Variants in SNAPC3 observed in about 807,000 individuals in gnomAD.
SNAPC3 encodes snRNA-activating protein complex subunit 3.
A neutral mutation model predicts 47.7 loss-of-function variants in SNAPC3; 56 were observed. That is an observed-to-expected ratio of 1.18 (90% CI 0.95 to 1.47). The LOEUF is 1.47. Ranked by LOEUF, SNAPC3 falls within the 40% of genes most tolerant of loss-of-function variation. The pLI, the probability that SNAPC3 is intolerant of heterozygous loss-of-function variation, is 0.00. For synonymous variants in SNAPC3, 235 were observed against 189.9 expected, an observed-to-expected ratio of 1.24 and a Z score of -1.95; for missense variants, 665 against 511.3, an observed-to-expected ratio of 1.30 and a Z score of -2.90.
At chr9:15,439,808 A>AGG (rs2033164278) in intron 3 of SNAPC3, among the ~76,000 whole-genome samples, 4 of 152,250 alleles carry the variant, frequency 2.6e-5, no homozygotes, top group Non-Finnish European at 5.9e-5. Context: ...TGCTGAGATT[A>AGG]CAGGTGTGAG....
At position 15,459,221 on chromosome 9, in the gene SNAPC3, T is replaced by G. The variant is rs549973345; in HGVS notation, c.1089-498T>G. ...TTGAATAATGTTGCCCATATTGCTA[T>G]TTGTATATACTTTATAACATAATCT... is the stretch of plus-strand genomic sequence containing the variant. On this transcript the variant is annotated intron_variant, in intron 8 of 8. Coordinates refer to ENST00000380821, the MANE Select transcript of SNAPC3 (RefSeq NM_001039697.2). 2.0e-5 allele frequency among the ~76,000 whole-genome samples: 3 copies of G among 152,358 alleles called. No individual in the cohort carries two copies. In the South Asian group the frequency reaches 6.2e-4, roughly 32 times the overall value.
At chr9:15,464,455 T>C (rs1030253460), downstream of SNAPC3, 1 of 200,692 alleles carries the variant, frequency 5.0e-6, no homozygotes. Flanking sequence ...TTTGTAACAT[T>C]GATTTTACCC....
chr9:15,430,437 C>A (rs1181264570), intron 2 of SNAPC3, among the ~76,000 whole-genome samples: 1 of 151,518 alleles, frequency 6.6e-6, no homozygotes, highest in Non-Finnish European at 1.5e-5. Flanking sequence ...GTCAAAAAAA[C>A]AAAAAGAAAA....
chr9:15,459,882 C>T lies in SNAPC3; in HGVS notation c.*16C>T. 6.3e-7 allele frequency: 1 copy of T among 1,594,942 alleles called. No homozygotes were observed. The highest frequency in any genetic ancestry group is 8.5e-7 in the Non-Finnish European group (1 of 1,171,876). On this transcript the variant is annotated 3_prime_UTR_variant, in exon 9 of 9. Coordinates refer to ENST00000380821, the MANE Select transcript of SNAPC3 (RefSeq NM_001039697.2). ...CTTTAATTAAGAATAGCTACACTCA[C>T]AAAAATACCCCCTCATGAAATAACT...
rs1435635084 is a variant in SNAPC3, at chr9:15,448,890, A to G, written c.732+1646A>G. 7.2e-5 allele frequency among the ~76,000 whole-genome samples: 11 copies of G among 152,118 alleles called. No homozygotes were observed. The South Asian group carries it at 1.9e-3, about 26-fold the overall frequency. On this transcript the variant is annotated intron_variant, in intron 5 of 8. Coordinates refer to ENST00000380821, the MANE Select transcript of SNAPC3 (RefSeq NM_001039697.2). ...GATGATGCAATCTCGGCTCACTGCA[A>G]CTTTCACCTCCCAGTTTCAAGTGAT...
intron 2 of SNAPC3, among the ~76,000 whole-genome samples, chr9:15,427,514 A>C (rs2031571100): frequency 6.6e-6 from 1 of 152,070 alleles, no homozygotes; most frequent in African/African-American, 2.4e-5. Flanking sequence ...ATGCCTGGCT[A>C]ATTTTTTATA....
chr9:15,441,187 C>CTT lies in SNAPC3; in HGVS notation c.478-3406_478-3405dup, dbSNP rs35713286. Among the ~76,000 whole-genome samples the CTT allele has an allele frequency of 2.0e-3, 292 of 146,400 alleles. 5 individuals carry two copies. Among genetic ancestry groups the CTT allele is most frequent in the Admixed American group, 0.015 (227 of 14,698 alleles). Reference sequence around the variant, plus strand: ...ACATTTAAGTCAGTTGCTGTAACGTCTTTTTTTTTTATTTAACGTTATTAT... The same window carrying CTT: ...ACATTTAAGTCAGTTGCTGTAACGTCTTTTTTTTTTTTATTTAACGTTATTAT... On this transcript the variant is annotated intron_variant, in intron 3 of 8. Coordinates refer to ENST00000380821, the MANE Select transcript of SNAPC3 (RefSeq NM_001039697.2).
chr9:15,423,192 G>C lies in SNAPC3; in HGVS notation c.313G>C (p.Gly105Arg), dbSNP rs1390344440. 2 of 1,576,218 alleles carry C rather than the reference G, an allele frequency of 1.3e-6. No homozygotes were observed. The highest frequency in any genetic ancestry group is 8.5e-7 in the Non-Finnish European group (1 of 1,170,216). The change falls in exon 1 of 9, where the codon GGC becomes CGC. Residue 105 changes from glycine (G) to arginine (R), a missense_variant and splice_region_variant. Physicochemically the swap from Gly to Arg is moderately radical, Grantham distance 125. Transcript: ENST00000380821. ...GGCGGCTGAGCTGAGGGCGGTGTGC[G>C]GGTGAGTGCGGAGCAAAGGGGCTCT... ...EAAAELRAVC[G>R]LDKLKCLEDG...
chr9:15,436,565 TC>T (rs2032820418), intron 3 of SNAPC3, among the ~76,000 whole-genome samples: 2 of 152,206 alleles, frequency 1.3e-5, no homozygotes, highest in Admixed American at 1.3e-4. Context: ...AATTTTGAAA[TC>T]AGGGAGTGTG....
chr9:15,442,414 C>T (rs562737026), intron 3 of SNAPC3, among the ~76,000 whole-genome samples: 45 of 151,224 alleles, frequency 3.0e-4, no homozygotes, highest in African/African-American at 7.3e-4. Context: ...ACCTCCCAGA[C>T]GGGGCGGCTG....
intron 3 of SNAPC3, among the ~76,000 whole-genome samples, chr9:15,439,573 C>T (rs1432059799): frequency 5.9e-5 from 9 of 151,282 alleles, no homozygotes; most frequent in African/African-American, 1.5e-4. Flanking sequence ...CTCACTCTGT[C>T]ACCCAGGCTG....
chr9:15,462,667 C>G (rs2035303592), downstream of SNAPC3: 1 of 152,104 alleles, frequency 6.6e-6, no homozygotes, highest in Non-Finnish European at 1.5e-5. Context: ...GAAGCAATAG[C>G]TATTTCTTTA....
Position 15,432,869 on chromosome 9 carries a change from G to A in SNAPC3, c.393-683G>A, listed in dbSNP as rs538669428. ...GTGAATGCTAAAATTCATGGGTGAA[G>A]TTTGAGGAGAAACAAGATTTGCATA... On this transcript the variant is annotated intron_variant, in intron 2 of 8. Transcript: ENST00000380821. 4.6e-5 allele frequency among the ~76,000 whole-genome samples: 7 copies of A among 152,308 alleles called. No homozygotes were observed. In the South Asian group the frequency reaches 1.4e-3, roughly 32 times the overall value.
Position 15,433,534 on chromosome 9 carries a change from C to G in SNAPC3, c.393-18C>G, listed in dbSNP as rs769597961. On this transcript the variant is annotated intron_variant, in intron 2 of 8. Transcript: ENST00000380821. ...ATGTTGAACTTTGATTTTTTTTTTT[C>G]TTTTACATCTACAACAGGGTTAGAA... 2.1e-6 allele frequency: 3 copies of G among 1,407,842 alleles called. No individual in the cohort carries two copies. The highest frequency in any genetic ancestry group is 2.9e-6 in the Non-Finnish European group (3 of 1,033,222). The allele number at this position is 1,407,842 out of a possible 1,614,324, so 87.2% of individuals were successfully genotyped here.
intron 6 of SNAPC3, among the ~76,000 whole-genome samples, chr9:15,452,516 C>A (rs761467186): frequency 7.9e-5 from 12 of 151,896 alleles, no homozygotes; most frequent in Admixed American, 2.6e-4. Flanking sequence ...TGGGGTTTTT[C>A]CATGTTGGTC....
intron 2 of SNAPC3, among the ~76,000 whole-genome samples, chr9:15,428,629 T>C (rs1334504144): frequency 6.6e-6 from 1 of 151,142 alleles, no homozygotes; most frequent in Non-Finnish European, 1.5e-5. Context: ...AAACTATTAA[T>C]AAGAATGGAA....
intron 2 of SNAPC3, among the ~76,000 whole-genome samples, chr9:15,427,644 G>A (rs577547177): frequency 3.3e-5 from 5 of 152,340 alleles, no homozygotes; most frequent in African/African-American, 7.2e-5. Flanking sequence ...ACGACGCCCA[G>A]CCCTTCAGCA....
chr9:15,430,842 A>T lies in SNAPC3; in HGVS notation c.393-2710A>T, dbSNP rs1412950905. On this transcript the variant is annotated intron_variant, in intron 2 of 8. Coordinates refer to ENST00000380821, the MANE Select transcript of SNAPC3 (RefSeq NM_001039697.2). ...GAGTAATTTCCAGTACATTCTATTAAGTGAAAAAAGCAAAGTCCCAAAGTA... is the reference window on the plus strand; with the variant it reads ...GAGTAATTTCCAGTACATTCTATTATGTGAAAAAAGCAAAGTCCCAAAGTA... Among the ~76,000 whole-genome samples the T allele has an allele frequency of 2.0e-5, 3 of 152,322 alleles. No homozygotes were observed. In the East Asian group the frequency reaches 5.8e-4, roughly 29 times the overall value.
At chr9:15,428,728 T>C (rs934579602) in intron 2 of SNAPC3, among the ~76,000 whole-genome samples, 4 of 151,900 alleles carry the variant, frequency 2.6e-5, no homozygotes, top group South Asian at 2.1e-4. Flanking sequence ...AGTGAATAAA[T>C]TGTAAGATAC....
Sources: allele counts gnomAD v4.1 joint callset (sites outside exome capture counted in the v4.1 genomes callset), GRCh38; gene constraint gnomAD v4.1.1; transcripts MANE v1.5; gene names NCBI Gene and HGNC (gene_info 2026-07-23, HGNC 2026-07-21).